Variants in NEUROD1 observed in about 807,000 individuals in gnomAD.
NEUROD1 encodes the protein neuronal differentiation 1.
NEUROD1 carries 9 observed loss-of-function variants against 21.8 expected under a neutral mutation model. The ratio of observed to expected loss-of-function variants is 0.41; its 90% CI spans 0.25 to 0.72. NEUROD1 has a LOEUF of 0.72. NEUROD1 is among the 30% of genes least tolerant of loss of function. The pLI, the probability that NEUROD1 is intolerant of heterozygous loss-of-function variation, is 0.31. For missense variants in NEUROD1, 434 were observed against 468.8 expected (o/e 0.93, Z 0.69); for synonymous variants, 199 against 186.2 (o/e 1.07, Z -0.56).
At position 181,676,540 on chromosome 2, in the gene NEUROD1, T is replaced by C. The variant is rs1220163851; in HGVS notation, c.*1250A>G. ...GTGCATTACACCATAATATACAGGATTACAAACAAAATTACAGTACAGATC... is the reference window on the plus strand; with the variant it reads ...GTGCATTACACCATAATATACAGGACTACAAACAAAATTACAGTACAGATC... On this transcript the variant is annotated 3_prime_UTR_variant, in exon 2 of 2. Coordinates refer to ENST00000295108, the MANE Select transcript of NEUROD1 (RefSeq NM_002500.5). 6.6e-6 allele frequency: 1 copy of C among 152,614 alleles called. No homozygotes were observed. The highest frequency in any genetic ancestry group is 2.4e-5 in the African/African-American group (1 of 41,450). The allele number at this position is 152,614 out of a possible 1,614,324, so 9.5% of individuals were successfully genotyped here. A position where few individuals can be genotyped will look rare whatever the true frequency, so the allele number is the denominator to read the frequency against.
chr2:181,674,260 A>G (rs1688534208), downstream of NEUROD1, among the ~76,000 whole-genome samples: 1 of 152,218 alleles, frequency 6.6e-6, no homozygotes, highest in Non-Finnish European at 1.5e-5. Flanking sequence ...GTGGCTCAAG[A>G]TGAAGAAACA....
chr2:181,678,312 C>T lies in NEUROD1; in HGVS notation c.549G>A (p.Leu183=), dbSNP rs1487394350. The T allele has an allele frequency of 1.9e-6, 3 of 1,613,952 alleles. No individual in the cohort carries two copies. Among genetic ancestry groups the T allele is most frequent in the Admixed American group, 3.3e-5 (2 of 59,998 alleles). Residue 183 remains leucine, a synonymous_variant, in exon 2 of 2, where the codon CTG becomes CTA. Coordinates refer to ENST00000295108, the MANE Select transcript of NEUROD1 (RefSeq NM_002500.5). The surrounding 1 kb of genome is among the most constrained non-coding windows in gnomAD (Gnocchi z 5.5). The part of the protein sequence containing the change: ...CKGLSQPTTN[L]VAGCLQLNPR... The stretch of plus-strand genomic sequence containing the variant: ...GATTGAGTTGCAGGCAGCCCGCAAC[C>T]AGGTTGGTGGTGGGTTGGGATAAGC...
At chr2:181,674,322 G>A (rs149026579), downstream of NEUROD1, among the ~76,000 whole-genome samples, 222 of 152,200 alleles carry the variant, frequency 1.5e-3, 1 homozygote, top group East Asian at 5.2e-3. Flanking sequence ...AAAACTAAAC[G>A]AAATATTTTT....
chr2:181,670,219 G>A (rs1202226720), downstream of NEUROD1, among the ~76,000 whole-genome samples: 1 of 152,056 alleles, frequency 6.6e-6, no homozygotes, highest in Non-Finnish European at 1.5e-5. Context: ...TGAGTTCAAA[G>A]ATGAGACTTT....
rs1198330441 is a variant in NEUROD1 at position 181,680,249 on chromosome 2, A to AGG, written c.-12+179_-12+180dup. 3.3e-5 allele frequency among the ~76,000 whole-genome samples: 5 copies of AGG among 152,188 alleles called. No homozygotes were observed. In the East Asian group the frequency reaches 9.6e-4, roughly 29 times the overall value. On this transcript the variant is annotated intron_variant, in intron 1 of 1. Coordinates refer to ENST00000295108, the MANE Select transcript of NEUROD1 (RefSeq NM_002500.5). ...TTAAAATTTAAATTAGAAAGCCTGC[A>AGG]GGGGGTACTTGAGTGACACGACTCA...
At chr2:181,668,785 A>G (rs1276003047), downstream of NEUROD1, among the ~76,000 whole-genome samples, 2 of 152,172 alleles carry the variant, frequency 1.3e-5, no homozygotes, top group African/African-American at 4.8e-5. Flanking sequence ...ACAAACTACT[A>G]TAATATCATG....
At chr2:181,670,179 A>G, downstream of NEUROD1, among the ~76,000 whole-genome samples, 1 of 152,216 alleles carries the variant, frequency 6.6e-6, no homozygotes, top group East Asian at 1.9e-4. Context: ...CATGAAGAAT[A>G]CATAATAGCT....
downstream of NEUROD1, among the ~76,000 whole-genome samples, chr2:181,671,967 C>G (rs1230297719): frequency 6.6e-6 from 1 of 152,086 alleles, no homozygotes; most frequent in African/African-American, 2.4e-5. Context: ...TATTGATGTG[C>G]TAAGTTTATA....
exon 2 of NEUROD1, among the ~76,000 whole-genome samples, chr2:181,670,364 T>C (rs1025499530): frequency 6.6e-6 from 1 of 152,222 alleles, no homozygotes; most frequent in Admixed American, 6.5e-5. Flanking sequence ...CAGCTGTTTT[T>C]TGTCAGCTTG....
downstream of NEUROD1, among the ~76,000 whole-genome samples, chr2:181,675,313 T>C (rs1191919698): frequency 6.6e-6 from 1 of 152,254 alleles, no homozygotes; most frequent in Non-Finnish European, 1.5e-5. Context: ...TATTCCTTAC[T>C]GCTTCTGTCA....
Position 181,678,434 on chromosome 2 carries a change from G to C in NEUROD1, c.427C>G (p.Leu143Val). The C allele has an allele frequency of 6.2e-7, 1 of 1,614,252 alleles. No individual in the cohort carries two copies. Among genetic ancestry groups the C allele is most frequent in the Non-Finnish European group, 8.5e-7 (1 of 1,180,046 alleles). Residue 143 changes from leucine (L) to valine (V), a missense_variant, in exon 2 of 2, where the codon CTG (leucine) becomes GTG (valine). Leu to Val is a conservative substitution (Grantham distance 32). Transcript: ENST00000295108. This position sits in a 1 kb window ranked among gnomAD's most constrained non-coding sequence, Gnocchi z 5.5. ...CAGATGTAGTTCTTGGCCAAGCGCA[G>C]AGTCTCGATTTTGGACAGCTTCTGC... ...KTQKLSKIET[L>V]RLAKNYIWAL...
chr2:181,678,644 C>T lies in NEUROD1; in HGVS notation c.217G>A (p.Glu73Lys), dbSNP rs1688638095. 1 of 1,613,524 alleles carries T rather than the reference C, an allele frequency of 6.2e-7. No individual in the cohort carries two copies. Among genetic ancestry groups the T allele is most frequent in the Non-Finnish European group, 8.5e-7 (1 of 1,179,784 alleles). ...DEDLEEEEEEEEEDDDQKPKR... is the reference protein window; with the variant it reads ...DEDLEEEEEEKEEDDDQKPKR... ...GGCTTTTGATCGTCATCCTCCTCTT[C>T]CTCTTCTTCCTCCTCTTCCAGGTCC... Residue 73 changes from glutamate to lysine, a missense_variant, in exon 2 of 2, where the codon GAA becomes AAA. By Grantham distance (56) the Glu-to-Lys change is moderately conservative. Transcript: ENST00000295108. This position sits in a 1 kb window ranked among gnomAD's most constrained non-coding sequence, Gnocchi z 5.5.
exon 2 of NEUROD1, among the ~76,000 whole-genome samples, chr2:181,671,025 GCACACA>G (rs71004600): frequency 0.015 from 2,219 of 146,682 alleles, 61 homozygotes; most frequent in African/African-American, 0.048. Context: ...GCATATGTGT[GCACACA>G]CACACACACA....
chr2:181,679,120 A>G (rs1688653226), intron 1 of NEUROD1, among the ~76,000 whole-genome samples: 1 of 152,202 alleles, frequency 6.6e-6, no homozygotes, highest in African/African-American at 2.4e-5. Context: ...GTATATGTGT[A>G]CACCACTCAC....
chr2:181,669,152 C>G (rs1688461719), downstream of NEUROD1, among the ~76,000 whole-genome samples: 1 of 152,154 alleles, frequency 6.6e-6, no homozygotes, highest in East Asian at 1.9e-4. Flanking sequence ...TTTTCTCCAT[C>G]TTAGTGTATA....
chr2:181,669,160 A>T (rs939196346), downstream of NEUROD1, among the ~76,000 whole-genome samples: 1 of 152,180 alleles, frequency 6.6e-6, no homozygotes, highest in Non-Finnish European at 1.5e-5. Context: ...ATCTTAGTGT[A>T]TAAAAATGAG....
At chr2:181,673,875 A>G (rs528062456), downstream of NEUROD1, among the ~76,000 whole-genome samples, 1 of 152,302 alleles carries the variant, frequency 6.6e-6, no homozygotes, top group African/African-American at 2.4e-5. Flanking sequence ...TTCAAATGTA[A>G]AAACAGAGAG....
At chr2:181,676,360 T>G (rs1688570765), downstream of NEUROD1, 1 of 152,616 alleles carries the variant, frequency 6.6e-6, no homozygotes, top group Non-Finnish European at 1.5e-5. Context: ...TTTTCTTTTC[T>G]TTTATTCTAC....
At chr2:181,672,547 T>C (rs1688512635), downstream of NEUROD1, among the ~76,000 whole-genome samples, 2 of 152,214 alleles carry the variant, frequency 1.3e-5, no homozygotes, top group African/African-American at 4.8e-5. Flanking sequence ...AATTAAGCTA[T>C]ACAAGTAAAT....
Sources: gnomAD v4.1 joint callset for allele counts (sites outside exome capture counted in the v4.1 genomes callset) on GRCh38, gnomAD v4.1.1 for gene constraint, Gnocchi (gnomAD v3.1) non-coding constraint, MANE v1.5 for transcripts, NCBI Gene and HGNC (gene_info 2026-07-23, HGNC 2026-07-21) for gene names.